SRPX: variants seen among roughly 807,000 people sequenced by gnomAD.
The protein encoded by SRPX is sushi repeat-containing protein SRPX.
SRPX carries 24 observed loss-of-function variants against 38.1 expected under a neutral mutation model. The ratio of observed to expected loss-of-function variants is 0.63; its 90% confidence interval spans 0.46 to 0.89. SRPX has a LOEUF of 0.89. Ranked by LOEUF, SRPX falls within the 40% of genes least tolerant of loss-of-function variation. SRPX has a pLI of 0.00. For synonymous variants in SRPX, 184 were observed against 153.8 expected, an observed-to-expected ratio of 1.20 and a Z score of -1.45; for missense variants, 416 against 377.8, an observed-to-expected ratio of 1.10 and a Z score of -0.84.
chrX:38,155,317 A>G (rs1180857277), intron 8 of SRPX, among the ~76,000 whole-genome samples: 1 of 112,412 alleles, frequency 8.9e-6, no homozygotes, highest in Non-Finnish European at 1.9e-5. Flanking sequence ...CTCTCACTGA[A>G]ATGCCTAAGT....
chrX:38,193,655 G>A (rs1205528946), intron 1 of SRPX, among the ~76,000 whole-genome samples: 1 of 112,180 alleles, frequency 8.9e-6, no homozygotes, highest in African/African-American at 3.2e-5. Flanking sequence ...ACAAGTGGTA[G>A]GTCAGCCATC....
chrX:38,161,166 C>T, intron 5 of SRPX, 112 bp from the exon 6 acceptor site: 1 of 872,021 alleles, frequency 1.1e-6, no homozygotes, highest in African/African-American at 2.0e-5. Flanking sequence ...ACCATTAGAC[C>T]AGTTTAAATA....
At chrX:38,169,563 A>G (rs1938429225) in intron 4 of SRPX, among the ~76,000 whole-genome samples, 1 of 112,544 alleles carries the variant, frequency 8.9e-6, no homozygotes, top group South Asian at 3.7e-4. Flanking sequence ...AGATAATTAG[A>G]ACTTAAATGT....
Position 38,154,397 on chromosome X carries a change from G to A in SRPX, c.1211+65C>T. On this transcript the variant is annotated intron_variant, in intron 9 of 9. Coordinates refer to ENST00000378533, the MANE Select transcript of SRPX (RefSeq NM_006307.5). ...CTCAATCCTGAATAGAAAGAAACCAGGGAACCTAATCAGTTAAAAATGCAT... is the reference window on the plus strand; with the variant it reads ...CTCAATCCTGAATAGAAAGAAACCAAGGAACCTAATCAGTTAAAAATGCAT... 8.0e-6 allele frequency: 9 copies of A among 1,131,570 alleles called. No individual in the cohort carries two copies. The South Asian group carries it at 1.7e-4, about 21-fold the overall frequency. The allele number at this position is 1,131,570 out of a possible 1,213,427, so 93.3% of individuals were successfully genotyped here.
intron 2 of SRPX, among the ~76,000 whole-genome samples, chrX:38,176,788 A>C (rs577696012): frequency 1.6e-4 from 18 of 111,827 alleles, no homozygotes; most frequent in African/African-American, 5.5e-4. Flanking sequence ...GTGAGACTCC[A>C]TCTCAAAAAA....
chrX:38,172,132 T>C (rs1679727089), intron 3 of SRPX, 75 bp from the exon 4 acceptor site: 1 of 1,062,197 alleles, frequency 9.4e-7, no homozygotes, highest in African/African-American at 1.9e-5. Flanking sequence ...GTCTAGAAAC[T>C]CTGAAAGCAT....
chrX:38,155,244 C>T (rs1409384169), intron 8 of SRPX, among the ~76,000 whole-genome samples: 2 of 112,447 alleles, frequency 1.8e-5, no homozygotes, highest in African/African-American at 6.5e-5. Flanking sequence ...ACTGAAACGT[C>T]CCTATATGAG....
rs193108603 is a variant in SRPX, at chrX:38,177,221, T to G, written c.157+1064A>C. ...TACCCCAAGCATCTGATTAACGTAT[T>G]TGTGCTTTGCTTGATTGGTTAATTC... On this transcript the variant is annotated intron_variant, in intron 2 of 9. Transcript: ENST00000378533. Among the ~76,000 whole-genome samples, 6 of 111,888 alleles carry G rather than the reference T, an allele frequency of 5.4e-5. No individual in the cohort carries two copies. In the East Asian group the frequency reaches 1.4e-3, roughly 26 times the overall value.
At chrX:38,183,879 CT>C (rs1334655902) in intron 1 of SRPX, among the ~76,000 whole-genome samples, 8 of 111,641 alleles carry the variant, frequency 7.2e-5, no homozygotes, top group African/African-American at 2.6e-4. Context: ...TCAGCCATAC[CT>C]GGAGCCAACT....
chrX:38,169,221 AG>A (rs780359352), intron 4 of SRPX, among the ~76,000 whole-genome samples: 46 of 112,501 alleles, frequency 4.1e-4, no homozygotes, highest in Non-Finnish European at 6.9e-4. Context: ...TTGTCAACCC[AG>A]GAAGAATTTA....
At chrX:38,182,698 T>A (rs1180793339) in intron 1 of SRPX, among the ~76,000 whole-genome samples, 1 of 111,964 alleles carries the variant, frequency 8.9e-6, no homozygotes, top group East Asian at 2.8e-4. Flanking sequence ...AAGAGAAAAC[T>A]GCGCAAGGAG....
At chrX:38,168,567 G>T (rs1222694310) in intron 4 of SRPX, among the ~76,000 whole-genome samples, 1 of 112,223 alleles carries the variant, frequency 8.9e-6, no homozygotes, top group African/African-American at 3.2e-5. Flanking sequence ...AGTTTTGTGT[G>T]GTCTATTGTG....
At chrX:38,178,491 G>A in intron 1 of SRPX, 147 bp from the exon 2 acceptor site, 8 of 441,706 alleles carry the variant, frequency 1.8e-5, no homozygotes, top group Non-Finnish European at 2.7e-5. Flanking sequence ...ATTCATGAAG[G>A]AACAAACAGG....
At position 38,159,436 on chromosome X, in the gene SRPX, A is replaced by G. The variant is rs887934462; in HGVS notation, c.955+581T>C. Among the ~76,000 whole-genome samples, 3 of 112,927 alleles carry G rather than the reference A, an allele frequency of 2.7e-5. No homozygotes were observed. In the Admixed American group the frequency reaches 2.8e-4, roughly 10 times the overall value. On this transcript the variant is annotated intron_variant, in intron 7 of 9. Transcript: ENST00000378533. ...ATTTTCTGGCTAGTCCAAGTTTCAG[A>G]CTCATTACCCAGCCCAATTTTTCTT...
intron 1 of SRPX, among the ~76,000 whole-genome samples, chrX:38,190,433 G>A (rs754572378): frequency 9.0e-6 from 1 of 111,627 alleles, no homozygotes; most frequent in Non-Finnish European, 1.9e-5. Flanking sequence ...GAGCACCCAA[G>A]AACAAAAACC....
intron 1 of SRPX, among the ~76,000 whole-genome samples, chrX:38,188,631 G>A (rs1480106578): frequency 4.5e-5 from 5 of 111,212 alleles, no homozygotes; most frequent in Admixed American, 3.8e-4. Flanking sequence ...GGGTATAATG[G>A]GCAAAATTAT....
intron 1 of SRPX, among the ~76,000 whole-genome samples, chrX:38,179,743 T>C (rs12116252): frequency 0.087 from 9,632 of 111,272 alleles, 1,040 homozygotes; most frequent in African/African-American, 0.3. Context: ...TGCTGCAGAT[T>C]TCCTCACCTT....
Position 38,160,013 on chromosome X carries a change from C to G in SRPX, c.955+4G>C, listed in dbSNP as rs768462872. ...GCTGCAGGCTGGAGGGGCGGCATACCTACCTGCACAGGTGGGCTCCGTGCC... is the reference window on the plus strand; with the variant it reads ...GCTGCAGGCTGGAGGGGCGGCATACGTACCTGCACAGGTGGGCTCCGTGCC... On this transcript the variant is annotated splice_donor_region_variant and intron_variant, in intron 7 of 9. Coordinates refer to ENST00000378533, the MANE Select transcript of SRPX (RefSeq NM_006307.5). The G allele has an allele frequency of 3.3e-6, 4 of 1,206,095 alleles. No individual in the cohort carries two copies. The highest frequency in any genetic ancestry group is 2.2e-6 in the Non-Finnish European group (2 of 892,791).
At chrX:38,171,731 G>T in intron 4 of SRPX, 150 bp downstream of exon 4, 1 of 510,235 alleles carries the variant, frequency 2.0e-6, no homozygotes, top group Non-Finnish European at 3.2e-6. Flanking sequence ...ATCTAGGGCT[G>T]AGCCAGAGAA....
Sources: gnomAD v4.1 joint callset for allele counts (sites outside exome capture counted in the v4.1 genomes callset) on GRCh38, gnomAD v4.1.1 for gene constraint, MANE v1.5 for transcripts, NCBI Gene and HGNC (gene_info 2026-07-23, HGNC 2026-07-21) for gene names.